Variants in INPP5A observed in about 807,000 individuals in gnomAD.
INPP5A encodes the protein inositol polyphosphate-5-phosphatase A.
In INPP5A, 14 loss-of-function variants were observed where a neutral mutation model predicts 65.2. The ratio of observed to expected loss-of-function variants is 0.21; its 90% CI spans 0.14 to 0.34. The LOEUF is 0.34. Among genes scored for constraint, INPP5A ranks in the 10% least tolerant of loss-of-function variants. The pLI, the probability that INPP5A is intolerant of heterozygous loss-of-function variation, is 1.00. For synonymous variants in INPP5A, 207 were observed against 208.3 expected (o/e 0.99, Z 0.05); for missense variants, 431 against 545.6 (o/e 0.79, Z 2.09).
At chr10:132,668,697 T>C (rs901981791) in intron 4 of INPP5A, among the ~76,000 whole-genome samples, 4 of 152,242 alleles carry the variant, frequency 2.6e-5, no homozygotes, top group African/African-American at 9.7e-5. Context: ...TTATCATTCC[T>C]CCTGATGTTT....
chr10:132,775,788 C>G (rs1357027246), intron 12 of INPP5A, among the ~76,000 whole-genome samples: 5 of 152,180 alleles, frequency 3.3e-5, no homozygotes, highest in Non-Finnish European at 7.4e-5. Context: ...AGACCCTGTC[C>G]CATGGACAGA....
intron 2 of INPP5A, among the ~76,000 whole-genome samples, chr10:132,612,406 G>A (rs974932662): frequency 6.6e-6 from 1 of 151,890 alleles, no homozygotes; most frequent in African/African-American, 2.4e-5. Flanking sequence ...AGTTAGAATT[G>A]TGATGTTGTG....
At chr10:132,729,926 C>T (rs1846052241) in intron 9 of INPP5A, among the ~76,000 whole-genome samples, 1 of 152,218 alleles carries the variant, frequency 6.6e-6, no homozygotes, top group African/African-American at 2.4e-5. Flanking sequence ...CAGCAACCTC[C>T]AGGCAGCTGC....
intron 4 of INPP5A, among the ~76,000 whole-genome samples, chr10:132,654,048 A>G (rs528726599): frequency 5.5e-4 from 84 of 152,368 alleles, no homozygotes; most frequent in Non-Finnish European, 1.1e-3. Flanking sequence ...TGAACAGGCC[A>G]CCCAGAGGCA....
chr10:132,774,201 G>A (rs1019490980), intron 12 of INPP5A, among the ~76,000 whole-genome samples: 10 of 152,340 alleles, frequency 6.6e-5, no homozygotes, highest in African/African-American at 2.2e-4. Flanking sequence ...CAGCTGGTGT[G>A]TTTGGAAGCG....
chr10:132,765,721 C>G, intron 11 of INPP5A, 52 bp from the exon 12 acceptor site: 1 of 1,094,150 alleles, frequency 9.1e-7, no homozygotes, highest in Non-Finnish European at 1.4e-6. Context: ...CACACGTGCC[C>G]CCAGCGAGGA....
In INPP5A at chr10:132,603,932, C is replaced by T. The variant is rs2071806457; in HGVS notation, c.76-3983C>T. Among the ~76,000 whole-genome samples the T allele has an allele frequency of 6.6e-6, 1 of 151,748 alleles. No individual in the cohort carries two copies. The highest frequency in any genetic ancestry group is 6.6e-5 in the Admixed American group (1 of 15,246). ...CCGTCAGGGTCCCCTCTCCGTCCAGCCCTGCGCCGTCAAGGTCCCCTCTCC... is the reference window on the plus strand; with the variant it reads ...CCGTCAGGGTCCCCTCTCCGTCCAGTCCTGCGCCGTCAAGGTCCCCTCTCC... On this transcript the variant is annotated intron_variant, in intron 1 of 15. Coordinates refer to ENST00000368594, the MANE Select transcript of INPP5A (RefSeq NM_005539.5). This position sits in a 1 kb window ranked among gnomAD's most constrained non-coding sequence, Gnocchi z 4.2.
chr10:132,550,609 C>T lies in INPP5A; in HGVS notation c.75+12438C>T, dbSNP rs547036428. ...GTACGAACCTTCTGAATGCAAGTGG[C>T]CAAGCCGGCATTCTGGCTGGGCTCG... On this transcript the variant is annotated intron_variant, in intron 1 of 15. Transcript: ENST00000368594. This position sits in a 1 kb window ranked among gnomAD's most constrained non-coding sequence, Gnocchi z 4.2. Among the ~76,000 whole-genome samples, 41 of 152,340 alleles carry T rather than the reference C, an allele frequency of 2.7e-4. No individual in the cohort carries two copies. Among genetic ancestry groups the T allele is most frequent in the Non-Finnish European group, 5.1e-4 (35 of 68,024 alleles).
In INPP5A at chr10:132,678,244, A is replaced by G. The variant is rs557631161; in HGVS notation, c.307-12148A>G. 1.4e-3 allele frequency among the ~76,000 whole-genome samples: 211 copies of G among 152,314 alleles called. 2 individuals are homozygous for G. Among genetic ancestry groups the G allele is most frequent in the African/African-American group, 4.9e-3 (205 of 41,560 alleles). On this transcript the variant is annotated intron_variant, in intron 4 of 15. Coordinates refer to ENST00000368594, the MANE Select transcript of INPP5A (RefSeq NM_005539.5). This position sits in a 1 kb window ranked among gnomAD's most constrained non-coding sequence, Gnocchi z 4.1. ...CTGGGGGAAGTGGGCAGTAGTGAGG[A>G]CGCCGCCTTGTCCAGTTGGGTCAGC...
At chr10:132,553,538 G>A (rs1180087844) in intron 1 of INPP5A, among the ~76,000 whole-genome samples, 18 of 144,130 alleles carry the variant, frequency 1.2e-4, no homozygotes, top group African/African-American at 3.9e-4. Flanking sequence ...AGTGGGATAG[G>A]GAGGGAGGAT....
intron 9 of INPP5A, among the ~76,000 whole-genome samples, chr10:132,747,109 C>T (rs536018195): frequency 7.0e-4 from 106 of 152,362 alleles, no homozygotes; most frequent in African/African-American, 2.4e-3. Context: ...TCCTGAGCCG[C>T]GTCCTGGGAT....
intron 1 of INPP5A, among the ~76,000 whole-genome samples, chr10:132,598,990 T>C (rs1317966563): frequency 6.6e-6 from 1 of 152,202 alleles, no homozygotes; most frequent in Non-Finnish European, 1.5e-5. Flanking sequence ...CCCTGGGTTC[T>C]TCCCATAACA....
At chr10:132,766,491 G>A (rs1052933557) in intron 12 of INPP5A, among the ~76,000 whole-genome samples, 7 of 151,814 alleles carry the variant, frequency 4.6e-5, no homozygotes, top group Non-Finnish European at 7.4e-5. Flanking sequence ...CAGATGTTGC[G>A]TGGGTGTCCG....
chr10:132,596,073 AGTTT>A (rs1175758551), intron 1 of INPP5A, among the ~76,000 whole-genome samples: 2 of 152,200 alleles, frequency 1.3e-5, no homozygotes, highest in Non-Finnish European at 2.9e-5. Context: ...TTTAAGACCT[AGTTT>A]GTTTATTTTT....
At position 132,749,109 on chromosome 10, in the gene INPP5A, G is replaced by A. The variant is rs1355395864; in HGVS notation, c.733-408G>A. 7.2e-5 allele frequency among the ~76,000 whole-genome samples: 11 copies of A among 152,356 alleles called. No individual in the cohort carries two copies. The South Asian group carries it at 2.1e-3, about 29-fold the overall frequency. On this transcript the variant is annotated intron_variant, in intron 9 of 15. Transcript: ENST00000368594. Reference sequence around the variant, plus strand: ...GCAGCCCTTGCCCGTTGTCACAGTCGAACAGCTCTCGAGGGAGTTCAGGGA... The same window carrying A: ...GCAGCCCTTGCCCGTTGTCACAGTCAAACAGCTCTCGAGGGAGTTCAGGGA...
At chr10:132,746,608 G>A (rs1846375710) in intron 9 of INPP5A, among the ~76,000 whole-genome samples, 1 of 152,216 alleles carries the variant, frequency 6.6e-6, no homozygotes, top group South Asian at 2.1e-4. Flanking sequence ...GGAACTTCGT[G>A]ATCCACACGC....
rs4992321 is a variant in INPP5A, at chr10:132,721,627, A to G, written c.648-5194A>G. On this transcript the variant is annotated intron_variant, in intron 8 of 15. Coordinates refer to ENST00000368594, the MANE Select transcript of INPP5A (RefSeq NM_005539.5). ...TGGGTTCTGTCTGGGCACCTTAGAC[A>G]GCTGTCTTCAGGGTTCTGTGGTGCC... Among the ~76,000 whole-genome samples the G allele has an allele frequency of 1.4e-4, 17 of 121,960 alleles. No homozygotes were observed. The East Asian group carries it at 1.5e-3, about 11-fold the overall frequency. The allele number at this position is 121,960 out of a possible 152,430, so 80.0% of individuals were successfully genotyped here.
intron 1 of INPP5A, among the ~76,000 whole-genome samples, chr10:132,570,269 C>T (rs535382044): frequency 6.6e-6 from 1 of 152,186 alleles, no homozygotes; most frequent in Non-Finnish European, 1.5e-5. Flanking sequence ...GGTGACTGCA[C>T]GTTTGCCTTG....
intron 3 of INPP5A, among the ~76,000 whole-genome samples, chr10:132,649,181 G>A (rs1012385582): frequency 1.3e-5 from 2 of 152,154 alleles, no homozygotes; most frequent in Admixed American, 6.5e-5. Context: ...CAGTCAGTTC[G>A]TTTTATTTCT....
Sources: gnomAD v4.1 joint callset for allele counts (sites outside exome capture counted in the v4.1 genomes callset) on GRCh38, gnomAD v4.1.1 for gene constraint, Gnocchi (gnomAD v3.1) non-coding constraint, MANE v1.5 for transcripts, NCBI Gene and HGNC (gene_info 2026-07-23, HGNC 2026-07-21) for gene names.